CDKL4: variants seen among roughly 807,000 people sequenced by gnomAD.
CDKL4 encodes cyclin-dependent kinase-like 4.
CDKL4 carries 44 observed loss-of-function variants against 42.0 expected under a neutral mutation model. That is an observed-to-expected ratio of 1.05 (90% CI 0.82 to 1.35). The LOEUF (loss-of-function observed/expected upper bound fraction) is 1.35, where lower values mean the gene tolerates loss of function less well. Ranked by LOEUF, CDKL4 falls within the 40% of genes most tolerant of loss-of-function variation. The pLI is 0.00. For synonymous variants in CDKL4, 120 were observed against 121.6 expected, an observed-to-expected ratio of 0.99 and a Z score of 0.09; for missense variants, 393 against 369.9, an observed-to-expected ratio of 1.06 and a Z score of -0.51.
chr2:39,198,676 A>C (rs1228926395), intron 5 of CDKL4, among the ~76,000 whole-genome samples: 3 of 149,470 alleles, frequency 2.0e-5, no homozygotes, highest in Non-Finnish European at 4.4e-5. Context: ...ATCAACTCCA[A>C]AAGGAATTCT....
chr2:39,215,143 C>T (rs1395595260), intron 3 of CDKL4, among the ~76,000 whole-genome samples: 4 of 152,192 alleles, frequency 2.6e-5, no homozygotes, highest in Non-Finnish European at 5.9e-5. Context: ...TCCTCATTGT[C>T]TTGCCAACAT....
chr2:39,229,540 G>GA, exon 2 of CDKL4: 1 of 1,595,634 alleles, frequency 6.3e-7, no homozygotes. Flanking sequence ...CATTATAGCT[G>GA]AAGTGACTTA....
intron 4 of CDKL4, among the ~76,000 whole-genome samples, chr2:39,211,208 G>T (rs1386036206): frequency 6.6e-6 from 1 of 152,154 alleles, no homozygotes; most frequent in Admixed American, 6.5e-5. Context: ...GGGCAAGATA[G>T]TGAGACCCCC....
rs191047682 is a variant in CDKL4, at chr2:39,198,856, T to C, written c.454+5671A>G. Reference sequence around the variant, plus strand: ...AAGGCAATGCCAAGAGGAAAGTTTATAGCATTAAATGCCTACATCAAAAAG... The same window carrying C: ...AAGGCAATGCCAAGAGGAAAGTTTACAGCATTAAATGCCTACATCAAAAAG... On this transcript the variant is annotated intron_variant, in intron 5 of 9. Transcript: ENST00000451199. Among the ~76,000 whole-genome samples the C allele has an allele frequency of 3.4e-4, 51 of 152,238 alleles. No individual in the cohort carries two copies. In the East Asian group the frequency reaches 4.6e-3, roughly 14 times the overall value.
chr2:39,245,508 A>G (rs536368646), upstream of CDKL4, among the ~76,000 whole-genome samples: 7 of 152,232 alleles, frequency 4.6e-5, no homozygotes, highest in South Asian at 1.0e-3. Flanking sequence ...GAACCCACCA[A>G]TTCCGGACAT....
chr2:39,190,296 A>T lies in CDKL4; in HGVS notation c.652+9T>A, dbSNP rs942305350. On this transcript the variant is annotated intron_variant, in intron 6 of 9. Transcript: ENST00000451199. ...CAGCAACTCTGTTGCCATAAAATGC[A>T]ATTCATACCTAGTGTTCTGATTATC... 6.2e-7 allele frequency: 1 copy of T among 1,609,196 alleles called. No homozygotes were observed. The highest frequency in any genetic ancestry group is 1.3e-5 in the African/African-American group (1 of 74,956).
At chr2:39,192,672 T>C (rs1339331679) in intron 5 of CDKL4, among the ~76,000 whole-genome samples, 1 of 152,182 alleles carries the variant, frequency 6.6e-6, no homozygotes, top group Non-Finnish European at 1.5e-5. Context: ...CATGTTATTA[T>C]AAACTCTTCC....
At chr2:39,228,198 G>C (rs1194801759) in intron 2 of CDKL4, among the ~76,000 whole-genome samples, 1 of 152,162 alleles carries the variant, frequency 6.6e-6, no homozygotes, top group African/African-American at 2.4e-5. Context: ...ATTTTTATTA[G>C]AAAGCCACAC....
intron 8 of CDKL4, among the ~76,000 whole-genome samples, chr2:39,179,715 G>C (rs781742404): frequency 2.6e-5 from 4 of 152,202 alleles, no homozygotes; most frequent in African/African-American, 7.2e-5. Context: ...CTGCCAAAGG[G>C]AATCGAGGCA....
upstream of CDKL4, among the ~76,000 whole-genome samples, chr2:39,244,689 C>T (rs1317763825): frequency 6.6e-6 from 1 of 152,258 alleles, no homozygotes; most frequent in African/African-American, 2.4e-5. Flanking sequence ...GCAGGCAGCT[C>T]CACCTGCAGC....
intron 5 of CDKL4, among the ~76,000 whole-genome samples, chr2:39,197,655 C>G (rs886256596): frequency 6.6e-6 from 1 of 152,166 alleles, no homozygotes; most frequent in Admixed American, 6.5e-5. Context: ...AGAAACCCTA[C>G]AAGCTAGAGG....
rs148971868 is a variant in CDKL4, at chr2:39,234,749, T to C, written c.-56-5161A>G. Among the ~76,000 whole-genome samples, 405 of 152,240 alleles carry C rather than the reference T, an allele frequency of 2.7e-3. 1 individual carries two copies. The highest frequency in any genetic ancestry group is 9.1e-3 in the African/African-American group (378 of 41,556). On this transcript the variant is annotated intron_variant, in intron 1 of 9. Coordinates refer to ENST00000451199, the Ensembl canonical transcript of CDKL4. ...TAAGTGTGAGAGGATTAGAGTGACATCAGACTTATCAAGAGCAATATACAT... is the reference window on the plus strand; with the variant it reads ...TAAGTGTGAGAGGATTAGAGTGACACCAGACTTATCAAGAGCAATATACAT...
chr2:39,206,903 T>C (rs1002661246), intron 4 of CDKL4, among the ~76,000 whole-genome samples: 9 of 152,236 alleles, frequency 5.9e-5, no homozygotes, highest in Admixed American at 2.0e-4. Flanking sequence ...GGTTCTTTAA[T>C]AGCTATCTAG....
At chr2:39,177,527 C>A (rs1324298795) in intron 9 of CDKL4, among the ~76,000 whole-genome samples, 1 of 151,910 alleles carries the variant, frequency 6.6e-6, no homozygotes, top group Admixed American at 6.6e-5. Context: ...GCCTCAGCCC[C>A]CCAAGTAGCT....
intron 1 of CDKL4, among the ~76,000 whole-genome samples, chr2:39,235,464 G>C (rs1187174716): frequency 1.3e-5 from 2 of 152,162 alleles, no homozygotes; most frequent in African/African-American, 4.8e-5. Flanking sequence ...ATAATCAAAT[G>C]GGCAATAGGT....
intron 1 of CDKL4, among the ~76,000 whole-genome samples, chr2:39,231,256 T>C (rs1396268859): frequency 6.6e-6 from 1 of 152,144 alleles, no homozygotes; most frequent in Non-Finnish European, 1.5e-5. Context: ...AAAGAATGTA[T>C]AATTCGAAGA....
chr2:39,224,048 T>C (rs903861793), intron 3 of CDKL4, among the ~76,000 whole-genome samples: 1 of 152,246 alleles, frequency 6.6e-6, no homozygotes, highest in Non-Finnish European at 1.5e-5. Flanking sequence ...TAAATATATT[T>C]ATTAATTGGA....
intron 1 of CDKL4, among the ~76,000 whole-genome samples, chr2:39,230,176 T>G (rs1468672529): frequency 2.0e-5 from 3 of 152,144 alleles, no homozygotes; most frequent in African/African-American, 7.2e-5. Context: ...GGTTGGGAGT[T>G]CAAGACCAGC....
At chr2:39,188,413 T>G (rs1452417232) in intron 6 of CDKL4, among the ~76,000 whole-genome samples, 1 of 151,342 alleles carries the variant, frequency 6.6e-6, no homozygotes, top group Non-Finnish European at 1.5e-5. Flanking sequence ...ATACAAAAAA[T>G]TAGCTGAGTG....
Sources: allele counts gnomAD v4.1 joint callset (sites outside exome capture counted in the v4.1 genomes callset), GRCh38; gene constraint gnomAD v4.1.1; transcripts MANE v1.5; gene names NCBI Gene and HGNC (gene_info 2026-07-23, HGNC 2026-07-21).